Variants in NMU observed in about 807,000 individuals in gnomAD.
NMU encodes the protein neuromedin-U.
Under a neutral mutation model 35.4 loss-of-function variants are expected in NMU, and 29 were observed. The observed-to-expected ratio is 0.82, with a 90% CI of 0.61 to 1.12. The LOEUF is 1.12. NMU is among the 50% of genes most tolerant of loss of function. The pLI is 0.00. For synonymous variants in NMU, 78 were observed against 81.3 expected (o/e 0.96, Z 0.22); for missense variants, 199 against 206.2 (o/e 0.97, Z 0.21).
At chr4:55,628,917 C>T (rs1028604840) in intron 2 of NMU, among the ~76,000 whole-genome samples, 37 of 152,120 alleles carry the variant, frequency 2.4e-4, no homozygotes, top group African/African-American at 8.4e-4. Flanking sequence ...ATATATGAAG[C>T]TAAAATTTCT....
intron 9 of NMU, among the ~76,000 whole-genome samples, chr4:55,595,643 A>ATTTT (rs1211166376): frequency 3.5e-4 from 23 of 66,366 alleles, no homozygotes; most frequent in Admixed American, 6.0e-4. Context: ...ATATATATAT[A>ATTTT]TTTTTTTTTT....
At position 55,604,679 on chromosome 4, in the gene NMU, A is replaced by ATTTTTTTTTTTTTTTTTTTTTT. The variant is rs767568542; in HGVS notation, c.435+574_435+595dup. Among the ~76,000 whole-genome samples, 58 of 47,614 alleles carry ATTTTTTTTTTTTTTTTTTTTTT rather than the reference A, an allele frequency of 1.2e-3. 1 individual carries two copies. Among genetic ancestry groups the ATTTTTTTTTTTTTTTTTTTTTT allele is most frequent in the African/African-American group, 2.4e-3 (21 of 8,584 alleles). 31.2% of individuals were successfully genotyped at this position (47,614 alleles called of 152,430 possible). On this transcript the variant is annotated intron_variant, in intron 7 of 9. Transcript: ENST00000264218. ...AGGCATGCGCCAATATGCCTGGCTA[A>ATTTTTTTTTTTTTTTTTTTTTT]TTTTTTTTTTTTTTTTTTTTTTTTT...
chr4:55,633,217 C>G (rs56710169), intron 1 of NMU, among the ~76,000 whole-genome samples: 1 of 151,210 alleles, frequency 6.6e-6, no homozygotes. Flanking sequence ...CCCAGCTATT[C>G]GGGAGGCTGA....
At chr4:55,619,172 C>T (rs959804597) in intron 2 of NMU, among the ~76,000 whole-genome samples, 2 of 151,938 alleles carry the variant, frequency 1.3e-5, no homozygotes, top group African/African-American at 2.4e-5. Flanking sequence ...CCAAGATGGC[C>T]GAATAGGAAC....
At chr4:55,609,969 G>T (rs563506807) in intron 3 of NMU, among the ~76,000 whole-genome samples, 1 of 152,228 alleles carries the variant, frequency 6.6e-6, no homozygotes, top group Non-Finnish European at 1.5e-5. Context: ...TGGGAAGCCT[G>T]TAACTCTATC....
At chr4:55,606,024 TA>T (rs1733670755) in intron 6 of NMU, among the ~76,000 whole-genome samples, 1 of 152,248 alleles carries the variant, frequency 6.6e-6, no homozygotes, top group African/African-American at 2.4e-5. Context: ...TCATTAATCT[TA>T]AATTCATTTA....
chr4:55,599,080 G>C (rs545558598), intron 9 of NMU, 62 bp downstream of exon 9: 1 of 1,077,656 alleles, frequency 9.3e-7, no homozygotes, highest in Non-Finnish European at 1.4e-6. Flanking sequence ...ATGTCAAACT[G>C]TGTTGAACTG....
intron 3 of NMU, among the ~76,000 whole-genome samples, chr4:55,611,417 GTTAAT>G (rs1733926067): frequency 6.6e-6 from 1 of 152,076 alleles, no homozygotes; most frequent in South Asian, 2.1e-4. Flanking sequence ...GTAAGCTAAG[GTTAAT>G]TTATTATTGA....
rs758060513 is a variant in NMU at position 55,600,550 on chromosome 4, C to T, written c.461G>A (p.Ser154Asn). 6.2e-7 allele frequency: 1 copy of T among 1,610,870 alleles called. No individual in the cohort carries two copies. ...VDEEFQSPFASQSRGYFLFRP... is the reference protein window; with the variant it reads ...VDEEFQSPFANQSRGYFLFRP... Reference sequence around the variant, plus strand: ...GAATAAAAAATATCCTCGACTTTGACTTGCAAAGGGACTTTGGAATTCTTC... The same window carrying T: ...GAATAAAAAATATCCTCGACTTTGATTTGCAAAGGGACTTTGGAATTCTTC... Residue 154 changes from serine to asparagine, a missense_variant, in exon 8 of 10, where the codon AGT (serine) becomes AAT (asparagine). Coordinates refer to ENST00000264218, the MANE Select transcript of NMU (RefSeq NM_006681.4).
chr4:55,608,171 T>A (rs1422043227), intron 4 of NMU, among the ~76,000 whole-genome samples: 4 of 45,248 alleles, frequency 8.8e-5, no homozygotes, highest in Non-Finnish European at 2.2e-4. Flanking sequence ...CGAGACTCCA[T>A]CTCAAAAAAA....
In NMU at chr4:55,607,450, T is replaced by C; in HGVS notation, c.296A>G (p.Asp99Gly). ...LPKPQEQDEK[D>G]NTKRFLFHYS... Reference sequence around the variant, plus strand: ...AAATCATCTTACCCTTTTAGTATTATCTTTTTCATCTTGTTCCTATTGAAA... The same window carrying C: ...AAATCATCTTACCCTTTTAGTATTACCTTTTTCATCTTGTTCCTATTGAAA... Residue 99 changes from aspartate (D) to glycine (G), a missense_variant, in exon 5 of 10, where the codon GAT (aspartate) becomes GGT (glycine). By Grantham distance (94) the Asp-to-Gly change is moderately conservative. Coordinates refer to ENST00000264218, the MANE Select transcript of NMU (RefSeq NM_006681.4). 1.0e-6 allele frequency: 1 copy of C among 1,003,172 alleles called. No individual in the cohort carries two copies. Among genetic ancestry groups the C allele is most frequent in the Non-Finnish European group, 1.5e-6 (1 of 649,070 alleles). 62.1% of individuals were successfully genotyped at this position (1,003,172 alleles called of 1,614,324 possible). A position where few individuals can be genotyped will look rare whatever the true frequency, so the allele number is the denominator to read the frequency against.
chr4:55,599,973 A>C (rs7683684), intron 8 of NMU, among the ~76,000 whole-genome samples: 354 of 152,286 alleles, frequency 2.3e-3, no homozygotes, highest in South Asian at 0.01. Context: ...GAATGAATTA[A>C]TTAAAACTTT....
chr4:55,630,346 G>C (rs371930524), intron 2 of NMU, 56 bp downstream of exon 2: 1 of 1,253,606 alleles, frequency 8.0e-7, no homozygotes, highest in Non-Finnish European at 1.2e-6. Context: ...ATTTTAACAT[G>C]ATAATTTCAA....
chr4:55,625,169 T>TAAAAAAA (rs760890031), intron 2 of NMU, among the ~76,000 whole-genome samples: 44 of 98,306 alleles, frequency 4.5e-4, no homozygotes, highest in African/African-American at 7.4e-4. Context: ...AAAGTATAAT[T>TAAAAAAA]AAAAAAAAAA....
chr4:55,635,759 C>CG (rs1018833715), intron 1 of NMU, among the ~76,000 whole-genome samples: 1 of 152,228 alleles, frequency 6.6e-6, no homozygotes, highest in African/African-American at 2.4e-5. Context: ...TTCCACGGGC[C>CG]GGGGGGTCTG....
At chr4:55,634,821 G>C (rs1715808920) in intron 1 of NMU, among the ~76,000 whole-genome samples, 1 of 152,144 alleles carries the variant, frequency 6.6e-6, no homozygotes, top group Admixed American at 6.5e-5. Flanking sequence ...GCTTCTGACT[G>C]CCTGGATTTC....
intron 7 of NMU, among the ~76,000 whole-genome samples, chr4:55,604,624 G>C (rs1445455921): frequency 3.1e-5 from 4 of 127,848 alleles, no homozygotes; most frequent in South Asian, 2.7e-4. Flanking sequence ...AGCGATTCTT[G>C]TGCCTCAGTC....
At chr4:55,608,146 G>A (rs978979937) in intron 4 of NMU, among the ~76,000 whole-genome samples, 3 of 136,394 alleles carry the variant, frequency 2.2e-5, no homozygotes, top group Admixed American at 8.3e-5. Context: ...CTGTACTCCA[G>A]CCTGGGCGAC....
chr4:55,614,182 A>G (rs1264168279), intron 3 of NMU, among the ~76,000 whole-genome samples: 1 of 152,156 alleles, frequency 6.6e-6, no homozygotes, highest in Non-Finnish European at 1.5e-5. Flanking sequence ...AAATTATAAG[A>G]TGATATCCAG....
Sources: gnomAD v4.1 joint callset for allele counts (sites outside exome capture counted in the v4.1 genomes callset) on GRCh38, gnomAD v4.1.1 for gene constraint, MANE v1.5 for transcripts, NCBI Gene and HGNC (gene_info 2026-07-23, HGNC 2026-07-21) for gene names.